The following KAZN variants were observed in gnomAD, a reference collection of about 807,000 sequenced individuals.
KAZN encodes kazrin, periplakin interacting protein.
In KAZN, 40 loss-of-function variants were observed where a neutral mutation model predicts 87.4. That is an observed-to-expected ratio of 0.46 (90% CI 0.36 to 0.60). The LOEUF is 0.60. Among genes scored for constraint, KAZN ranks in the 20% least tolerant of loss-of-function variants. KAZN has a pLI of 0.00. For missense variants in KAZN, 898 were observed against 1,073.9 expected (o/e 0.84, Z 2.29); for synonymous variants, 466 against 458.3 (o/e 1.02, Z -0.22).
chr1:14,424,931 G>C (rs966667451), intron 2 of KAZN, among the ~76,000 whole-genome samples: 1 of 152,160 alleles, frequency 6.6e-6, no homozygotes, highest in Non-Finnish European at 1.5e-5. Context: ...TAATATCATA[G>C]CTAAATCATC....
At chr1:14,645,089 T>G (rs4644484) in intron 1 of KAZN, among the ~76,000 whole-genome samples, 5,596 of 152,238 alleles carry the variant, frequency 0.037, 213 homozygotes, top group African/African-American at 0.098. Context: ...TTTGTTAGTT[T>G]TGTTGAAGAT....
At chr1:14,014,416 TAAG>T (rs976024860) in intron 1 of KAZN, among the ~76,000 whole-genome samples, 34 of 151,962 alleles carry the variant, frequency 2.2e-4, no homozygotes, top group African/African-American at 7.7e-4. Flanking sequence ...GGGCCCTGGT[TAAG>T]AAGGAGAGGA....
chr1:14,898,666 G>A (rs1028861046), intron 1 of KAZN, among the ~76,000 whole-genome samples: 9 of 152,186 alleles, frequency 5.9e-5, no homozygotes, highest in Admixed American at 4.6e-4. Context: ...AGTAGGGTAA[G>A]GGGTGCAGGG....
intron 2 of KAZN, among the ~76,000 whole-genome samples, chr1:14,338,352 G>C (rs1165643522): frequency 6.6e-6 from 1 of 151,954 alleles, no homozygotes; most frequent in African/African-American, 2.4e-5. Flanking sequence ...AAGCACGGCA[G>C]TGTGCACCTG....
Position 15,034,287 on chromosome 1 carries a change from G to A in KAZN, c.419-462G>A, listed in dbSNP as rs114937403. Among the ~76,000 whole-genome samples, 613 of 152,254 alleles carry A rather than the reference G, an allele frequency of 4.0e-3. 1 individual carries two copies. The highest frequency in any genetic ancestry group is 6.8e-3 in the Middle Eastern group (2 of 294). The stretch of plus-strand genomic sequence containing the variant: ...ATATGTCTTAGTGCATGTTTTTAAC[G>A]TAATACTTCTCCCCACGGAAGAAAT... On this transcript the variant is annotated intron_variant, in intron 2 of 14. Transcript: ENST00000376030.
Position 14,846,387 on chromosome 1 carries a change from C to T in KAZN, c.227-114297C>T, listed in dbSNP as rs183814690. Among the ~76,000 whole-genome samples the T allele has an allele frequency of 1.9e-3, 284 of 151,500 alleles. 1 individual carries two copies. The highest frequency in any genetic ancestry group is 6.7e-3 in the African/African-American group (275 of 41,300). ...AGTGTTCCTAGGCCACAAGAGAGAA[C>T]AAAAAAAGGAAGGGAACCATAACAG... is the stretch of plus-strand genomic sequence containing the variant. On this transcript the variant is annotated intron_variant, in intron 1 of 14. Transcript: ENST00000376030.
chr1:13,963,815 G>A (rs1031287518), intron 1 of KAZN, among the ~76,000 whole-genome samples: 14 of 147,556 alleles, frequency 9.5e-5, no homozygotes, highest in Non-Finnish European at 1.6e-4. Context: ...AGGGGTAGTG[G>A]ATGACAGGGC....
intron 1 of KAZN, among the ~76,000 whole-genome samples, chr1:14,716,823 C>A (rs896367214): frequency 8.5e-5 from 13 of 152,082 alleles, no homozygotes; most frequent in Admixed American, 8.5e-4. Context: ...AGTTACTGAC[C>A]CACTTGGTTT....
At chr1:14,779,792 T>C (rs1345345641) in intron 1 of KAZN, among the ~76,000 whole-genome samples, 2 of 152,206 alleles carry the variant, frequency 1.3e-5, no homozygotes, top group Non-Finnish European at 2.9e-5. Flanking sequence ...CTTTCTTTTC[T>C]TGGCAGCTGA....
intron 1 of KAZN, among the ~76,000 whole-genome samples, chr1:14,083,529 G>A (rs1643754752): frequency 1.3e-5 from 2 of 152,180 alleles, no homozygotes; most frequent in Admixed American, 6.5e-5. Context: ...TGACTAGCAT[G>A]GTGCCTGGCT....
intron 1 of KAZN, among the ~76,000 whole-genome samples, chr1:14,147,629 T>TA (rs1168097940): frequency 2.0e-5 from 3 of 150,992 alleles, no homozygotes; most frequent in Non-Finnish European, 3.0e-5. Flanking sequence ...CCATCTCTAC[T>TA]AAAAAAATAT....
chr1:14,242,684 C>T (rs1649086854), intron 2 of KAZN, among the ~76,000 whole-genome samples: 1 of 152,158 alleles, frequency 6.6e-6, no homozygotes, highest in Non-Finnish European at 1.5e-5. Flanking sequence ...CTAATGCAAC[C>T]ATCTGACAAA....
intron 2 of KAZN, among the ~76,000 whole-genome samples, chr1:14,506,326 A>G (rs1670583115): frequency 6.6e-6 from 1 of 152,206 alleles, no homozygotes; most frequent in Admixed American, 6.5e-5. Context: ...TCCCATGGTG[A>G]CTTAATCACA....
At chr1:14,916,980 C>G (rs1657885033) in intron 1 of KAZN, among the ~76,000 whole-genome samples, 1 of 152,104 alleles carries the variant, frequency 6.6e-6, no homozygotes, top group Admixed American at 6.5e-5. Flanking sequence ...GCAGCTCCAC[C>G]TGACACCTTG....
At chr1:14,139,023 A>G (rs1164045503) in intron 1 of KAZN, among the ~76,000 whole-genome samples, 3 of 152,222 alleles carry the variant, frequency 2.0e-5, no homozygotes, top group Non-Finnish European at 4.4e-5. Context: ...GAAAAGCGGC[A>G]GCCTTCTCTC....
chr1:14,854,572 A>G (rs766120895), intron 1 of KAZN, among the ~76,000 whole-genome samples: 1 of 152,138 alleles, frequency 6.6e-6, no homozygotes, highest in Non-Finnish European at 1.5e-5. Flanking sequence ...TGGCTTTATG[A>G]CAACCCACTC....
At chr1:14,411,139 A>G (rs1052953567) in intron 2 of KAZN, among the ~76,000 whole-genome samples, 4 of 152,238 alleles carry the variant, frequency 2.6e-5, no homozygotes, top group African/African-American at 9.6e-5. Flanking sequence ...CCTTGAAAGC[A>G]ACCGGAAAAG....
intron 2 of KAZN, among the ~76,000 whole-genome samples, chr1:14,543,022 G>T (rs1291040889): frequency 6.6e-6 from 1 of 152,070 alleles, no homozygotes; most frequent in Non-Finnish European, 1.5e-5. Flanking sequence ...CTTGCAGGGT[G>T]TTTTCACATG....
chr1:15,114,273 G>C (rs1641761996), intron 14 of KAZN, 198 bp from the exon 15 acceptor site: 4 of 532,474 alleles, frequency 7.5e-6, no homozygotes, highest in Non-Finnish European at 1.4e-5. Flanking sequence ...GGGACACAAA[G>C]CTCTCCCCTA....
Sources: allele counts gnomAD v4.1 joint callset (sites outside exome capture counted in the v4.1 genomes callset), GRCh38; gene constraint gnomAD v4.1.1; transcripts MANE v1.5; gene names NCBI Gene and HGNC (gene_info 2026-07-23, HGNC 2026-07-21).